The following SLC16A8 variants were observed in gnomAD, a reference collection of about 807,000 sequenced individuals.
The protein encoded by SLC16A8 is monocarboxylate transporter 3.
A neutral mutation model predicts 22.4 loss-of-function variants in SLC16A8; 20 were observed. The ratio of observed to expected loss-of-function variants is 0.89; its 90% CI spans 0.63 to 1.30. The LOEUF (loss-of-function observed/expected upper bound fraction) is 1.30. Ranked by LOEUF, SLC16A8 falls within the 50% of genes most tolerant of loss-of-function variation. SLC16A8 has a pLI of 0.00. For missense variants in SLC16A8, 817 were observed against 740.3 expected, an observed-to-expected ratio of 1.10 and a Z score of -1.20; for synonymous variants, 393 against 358.8, an observed-to-expected ratio of 1.10 and a Z score of -1.08.
At chr22:38,080,760 TC>T in intron 5 of SLC16A8, 79 bp downstream of exon 5, 1 of 1,424,950 alleles carries the variant, frequency 7.0e-7, no homozygotes. Flanking sequence ...CCCTGGAAGT[TC>T]CATCTGAGAC....
chr22:38,079,552 G>A (rs2085888941), intron 5 of SLC16A8, among the ~76,000 whole-genome samples: 1 of 152,180 alleles, frequency 6.6e-6, no homozygotes, highest in Non-Finnish European at 1.5e-5. Flanking sequence ...CTCCTGAGTA[G>A]CTGGAACCAG....
chr22:38,083,300 T>C lies in SLC16A8; in HGVS notation c.-267A>G. The C allele has an allele frequency of 5.2e-6, 1 of 191,162 alleles. No homozygotes were observed. Among genetic ancestry groups the C allele is most frequent in the Non-Finnish European group, 1.1e-5 (1 of 92,566 alleles). 11.8% of individuals were successfully genotyped at this position (191,162 alleles called of 1,614,324 possible). The stretch of plus-strand genomic sequence containing the variant: ...AGATGCCGGCTGCAAAGGGCCGCTG[T>C]GCGTGATTTTCCTCTTTAGCCTTCC... On this transcript the variant is annotated 5_prime_UTR_variant, in exon 2 of 6. Coordinates refer to ENST00000681075, the MANE Select transcript of SLC16A8 (RefSeq NM_013356.3).
chr22:38,080,830 C>T lies in SLC16A8; in HGVS notation c.1198+10G>A. On this transcript the variant is annotated intron_variant, in intron 5 of 5. Transcript: ENST00000681075. The stretch of plus-strand genomic sequence containing the variant: ...CTAGGCTCGCCACCCCCTCTTCCTT[C>T]GGGGCGCACCGGCAGAGGGCGGTCC... The T allele has an allele frequency of 6.8e-7, 1 of 1,479,900 alleles. No individual in the cohort carries two copies. Among genetic ancestry groups the T allele is most frequent in the Non-Finnish European group, 8.9e-7 (1 of 1,121,874 alleles). 91.7% of individuals were successfully genotyped at this position (1,479,900 alleles called of 1,614,324 possible). A position where few individuals can be genotyped will look rare whatever the true frequency, so the allele number is the denominator to read the frequency against.
In SLC16A8 at chr22:38,083,136, A is replaced by G. The variant is rs549052714; in HGVS notation, c.-103T>C. Reference sequence around the variant, plus strand: ...CACCTCTGCAGGCTCCCTCTGAAGGACAACTGCTGGCCCCTCAGGGCCTCA... The same window carrying G: ...CACCTCTGCAGGCTCCCTCTGAAGGGCAACTGCTGGCCCCTCAGGGCCTCA... On this transcript the variant is annotated 5_prime_UTR_variant, in exon 2 of 6. Transcript: ENST00000681075. The G allele has an allele frequency of 2.8e-5, 14 of 504,696 alleles. No individual in the cohort carries two copies. Among genetic ancestry groups the G allele is most frequent in the Non-Finnish European group, 4.6e-5 (13 of 282,438 alleles). 31.3% of individuals were successfully genotyped at this position (504,696 alleles called of 1,614,324 possible).
rs1380020863 is a variant in SLC16A8, at chr22:38,081,596, GC to G, written c.441del (p.Leu148TrpfsTer47). ...YFERRRPLANGLAAAGSPVFL... is the reference protein window; with the variant it reads ...YFERRRPLANXLAAAGSPVFL... Reference sequence around the variant, plus strand: ...AACACGGGGCTGCCCGCCGCCGCCAGCCCGTTGGCCAGAGGCCGCCGCCGCT... The same window carrying G: ...AACACGGGGCTGCCCGCCGCCGCCAGCCGTTGGCCAGAGGCCGCCGCCGCT... On this transcript the variant is annotated frameshift_variant, in exon 5 of 6. Transcript: ENST00000681075. LOFTEE classifies it high-confidence loss of function. 6.6e-7 allele frequency: 1 copy of G among 1,516,886 alleles called. No homozygotes were observed. The highest frequency in any genetic ancestry group is 2.1e-5 in the Admixed American group (1 of 48,352). 94.0% of individuals were successfully genotyped at this position (1,516,886 alleles called of 1,614,324 possible).
At position 38,082,365 on chromosome 22, in the gene SLC16A8, G is replaced by A. The variant is rs531126758; in HGVS notation, c.214+295C>T. 3.3e-5 allele frequency among the ~76,000 whole-genome samples: 5 copies of A among 152,378 alleles called. No homozygotes were observed. In the East Asian group the frequency reaches 7.7e-4, roughly 23 times the overall value. On this transcript the variant is annotated intron_variant, in intron 3 of 5. Transcript: ENST00000681075. ...AAGCCCCCACCTACAGGTCAGGGCT[G>A]CGGGGAGGGGGAGTGCTTCTGTGGC... is the stretch of plus-strand genomic sequence containing the variant.
At chr22:38,082,939 G>C (rs2085943503) in intron 2 of SLC16A8, 58 bp from the exon 3 acceptor site, 1 of 1,101,002 alleles carries the variant, frequency 9.1e-7, no homozygotes, top group African/African-American at 1.6e-5. Flanking sequence ...TAGAGAAGGA[G>C]GGGGATGGAG....
In SLC16A8 at chr22:38,080,906, G is replaced by T; in HGVS notation, c.1132C>A (p.Pro378Thr). The change falls in exon 5 of 6, where the codon CCC becomes ACC. Residue 378 changes from proline (P) to threonine (T), a missense_variant. Coordinates refer to ENST00000681075, the MANE Select transcript of SLC16A8 (RefSeq NM_013356.3). The stretch of plus-strand genomic sequence containing the variant: ...AGCAACACCAGGCCCAGCGCACTGG[G>T]GAAGCGGGGCGCGCCCACAGCCGCC... ...LMAAVGAPRF[P>T]SALGLVLLVE... 1 of 1,568,396 alleles carries T rather than the reference G, an allele frequency of 6.4e-7. No individual in the cohort carries two copies. The highest frequency in any genetic ancestry group is 8.6e-7 in the Non-Finnish European group (1 of 1,163,566).
rs1601967415 is a variant in SLC16A8, at chr22:38,078,366, A to T, written c.*22T>A. On this transcript the variant is annotated 3_prime_UTR_variant, in exon 6 of 6. Transcript: ENST00000681075. ...AGCTGTGTTCCCAAGTCACTGGGCCACCCCACCCAGAGCACCCTGAGTTAT... is the reference window on the plus strand; with the variant it reads ...AGCTGTGTTCCCAAGTCACTGGGCCTCCCCACCCAGAGCACCCTGAGTTAT... 6.4e-7 allele frequency: 1 copy of T among 1,573,112 alleles called. No homozygotes were observed. Among genetic ancestry groups the T allele is most frequent in the East Asian group, 2.3e-5 (1 of 44,390 alleles).
At position 38,081,224 on chromosome 22, in the gene SLC16A8, T is replaced by C. The variant is rs2085912391; in HGVS notation, c.814A>G (p.Ile272Val). The change falls in exon 5 of 6, where the codon ATC (isoleucine) becomes GTC (valine). Residue 272 changes from isoleucine to valine, a missense_variant. By Grantham distance (29) the Ile-to-Val change is conservative. Coordinates refer to ENST00000681075, the MANE Select transcript of SLC16A8 (RefSeq NM_013356.3). The stretch of plus-strand genomic sequence containing the variant: ...TCCTTGGCGTAGTTCACCAGCAGGA[T>C]GGCGGGGACGAAGAGCCCGAGCGCC... Reference protein sequence around the residue: ...LMALGLFVPAILLVNYAKDAG... With the variant: ...LMALGLFVPAVLLVNYAKDAG... 6.3e-7 allele frequency: 1 copy of C among 1,578,410 alleles called. No homozygotes were observed. Among genetic ancestry groups the C allele is most frequent in the Non-Finnish European group, 8.6e-7 (1 of 1,162,982 alleles).
intron 5 of SLC16A8, 126 bp from the exon 6 acceptor site, chr22:38,078,830 C>A (rs1319440013): frequency 1.4e-6 from 1 of 727,660 alleles, no homozygotes; most frequent in Non-Finnish European, 2.2e-6. Context: ...ACACACATGC[C>A]CACTCTTTAT....
chr22:38,081,901 C>CTA lies in SLC16A8; in HGVS notation c.345_346insTA (p.Gly116Ter). 1 of 1,592,612 alleles carries CTA rather than the reference C, an allele frequency of 6.3e-7. No homozygotes were observed. Among genetic ancestry groups the CTA allele is most frequent in the Non-Finnish European group, 8.5e-7 (1 of 1,170,276 alleles). ...AGGGGGCCCTCACCTGTGAGCACCCCAGCGGTCAGGTAGAGCTCCAGGAGG... is the reference window on the plus strand; with the variant it reads ...AGGGGGCCCTCACCTGTGAGCACCCCTAAGCGGTCAGGTAGAGCTCCAGGAGG... On this transcript the variant is annotated frameshift_variant, in exon 4 of 6. Transcript: ENST00000681075. LOFTEE classifies it high-confidence loss of function.
rs1013186800 is a variant in SLC16A8, at chr22:38,083,234, G to A, written c.-201C>T. 2.4e-5 allele frequency: 7 copies of A among 292,624 alleles called. No homozygotes were observed. Among genetic ancestry groups the A allele is most frequent in the Non-Finnish European group, 3.8e-5 (6 of 155,882 alleles). 18.1% of individuals were successfully genotyped at this position (292,624 alleles called of 1,614,324 possible). Reference sequence around the variant, plus strand: ...GTCCAGCACCAAAGTCGCCCCGTACGCGTGAGGGTCTCGGGACAACAGAAC... The same window carrying A: ...GTCCAGCACCAAAGTCGCCCCGTACACGTGAGGGTCTCGGGACAACAGAAC... On this transcript the variant is annotated 5_prime_UTR_variant, in exon 2 of 6. Transcript: ENST00000681075.
intron 5 of SLC16A8, among the ~76,000 whole-genome samples, chr22:38,079,159 G>T (rs2145895204): frequency 6.6e-6 from 1 of 152,342 alleles, no homozygotes; most frequent in South Asian, 2.1e-4. Flanking sequence ...AGGCCCATGA[G>T]CATCCCAGAC....
In SLC16A8 at chr22:38,082,025, C is replaced by G; in HGVS notation, c.222G>C (p.Val74=). 6.3e-7 allele frequency: 1 copy of G among 1,577,804 alleles called. No individual in the cohort carries two copies. The highest frequency in any genetic ancestry group is 8.6e-7 in the Non-Finnish European group (1 of 1,162,296). The change falls in exon 4 of 6, where the codon GTG becomes GTC. Residue 74 remains valine (V), a synonymous_variant. Coordinates refer to ENST00000681075, the MANE Select transcript of SLC16A8 (RefSeq NM_013356.3). ...MLAMLYGTGP[V]SSILVTRFGC... ...CAAAGCGGGTCACGAGGATGCTGGA[C>G]ACGGGGCCTGTGGGCAGGGCAGGGT... is the stretch of plus-strand genomic sequence containing the variant.
chr22:38,082,956 C>T, intron 2 of SLC16A8, 75 bp from the exon 3 acceptor site: 4 of 961,108 alleles, frequency 4.2e-6, no homozygotes, highest in Non-Finnish European at 6.1e-6. Context: ...GGAGACGAAG[C>T]ATGGGGAAAC....
chr22:38,082,064 C>G, intron 3 of SLC16A8, 32 bp from the exon 4 acceptor site: 1 of 1,552,502 alleles, frequency 6.4e-7, no homozygotes, highest in South Asian at 1.2e-5. Context: ...CACCCGGGTC[C>G]CGGGATGGCT....
intron 5 of SLC16A8, among the ~76,000 whole-genome samples, chr22:38,079,116 C>A (rs1054409876): frequency 6.6e-6 from 1 of 152,172 alleles, no homozygotes; most frequent in African/African-American, 2.4e-5. Context: ...TCCTCAGGGG[C>A]TTGGCTTAGT....
At position 38,081,408 on chromosome 22, in the gene SLC16A8, GC is replaced by G. The variant is rs759946084; in HGVS notation, c.629del (p.Gly210AlafsTer53). ...CGCCCGGAGCGTCCCCGGCGCGGTCGCCGGCGCTGTCCCTGCGCGGTCGCGG... is the reference window on the plus strand; with the variant it reads ...CGCCCGGAGCGTCCCCGGCGCGGTCGCGGCGCTGTCCCTGCGCGGTCGCGG... ...PGPRPRRDSA[G>X]DRAGDAPGEA... On this transcript the variant is annotated frameshift_variant, in exon 5 of 6. Transcript: ENST00000681075. LOFTEE classifies it high-confidence loss of function. The G allele has an allele frequency of 4.4e-6, 6 of 1,353,904 alleles. 1 individual carries two copies. The South Asian group carries it at 1.1e-4, about 25-fold the overall frequency. The allele number at this position is 1,353,904 out of a possible 1,614,324, so 83.9% of individuals were successfully genotyped here. A position where few individuals can be genotyped will look rare whatever the true frequency, so the allele number is the denominator to read the frequency against.
Sources: gnomAD v4.1 joint callset for allele counts (sites outside exome capture counted in the v4.1 genomes callset) on GRCh38, gnomAD v4.1.1 for gene constraint, MANE v1.5 for transcripts, NCBI Gene and HGNC (gene_info 2026-07-23, HGNC 2026-07-21) for gene names.